DGLUCY: variants seen among roughly 807,000 people sequenced by gnomAD.
The protein encoded by DGLUCY is D-glutamate cyclase, mitochondrial.
DGLUCY carries 58 observed loss-of-function variants against 58.5 expected under a neutral mutation model. The ratio of observed to expected loss-of-function variants is 0.99; its 90% CI spans 0.80 to 1.23. The LOEUF is 1.23. Ranked by LOEUF, DGLUCY falls within the 50% of genes most tolerant of loss-of-function variation. DGLUCY has a pLI of 0.00. For synonymous variants in DGLUCY, 325 were observed against 314.1 expected (o/e 1.03, Z -0.37); for missense variants, 779 against 784.7 (o/e 0.99, Z 0.09).
At chr14:91,068,079 GCACACACACACACACA>G (rs57428509) in intron 1 of DGLUCY, among the ~76,000 whole-genome samples, 46 of 146,436 alleles carry the variant, frequency 3.1e-4, no homozygotes, top group Middle Eastern at 3.5e-3. Flanking sequence ...ACACGCGCAC[GCACACACACACACACA>G]CACACACACA....
intron 8 of DGLUCY, among the ~76,000 whole-genome samples, chr14:91,187,756 C>A (rs1327256002): frequency 6.6e-6 from 1 of 152,208 alleles, no homozygotes; most frequent in Non-Finnish European, 1.5e-5. Flanking sequence ...AGTCTCCTGT[C>A]CTCCGAGGAC....
At chr14:91,173,543 C>T in intron 6 of DGLUCY, 104 bp downstream of exon 6, 1 of 1,398,022 alleles carries the variant, frequency 7.2e-7, no homozygotes, top group Non-Finnish European at 9.4e-7. Context: ...ATCGGCGACC[C>T]AGGTCAGTGT....
At chr14:91,208,507 G>A (rs1176660212) in intron 12 of DGLUCY, among the ~76,000 whole-genome samples, 1 of 152,152 alleles carries the variant, frequency 6.6e-6, no homozygotes, top group East Asian at 1.9e-4. Flanking sequence ...GTAGCACTTT[G>A]GGAGGCCGAG....
chr14:91,071,846 A>G (rs1595607122), intron 1 of DGLUCY, among the ~76,000 whole-genome samples: 3 of 151,678 alleles, frequency 2.0e-5, no homozygotes, highest in East Asian at 1.9e-4. Flanking sequence ...CCAGCCTGGT[A>G]ACAGAGTGAG....
chr14:91,163,566 G>A (rs947571495), intron 3 of DGLUCY, among the ~76,000 whole-genome samples: 1 of 152,194 alleles, frequency 6.6e-6, no homozygotes, highest in Admixed American at 6.5e-5. Context: ...GACATTCCCA[G>A]CGGATGGTTG....
upstream of DGLUCY, among the ~76,000 whole-genome samples, chr14:91,106,150 A>G (rs1400482316): frequency 1.3e-5 from 2 of 151,860 alleles, 1 homozygote; most frequent in Non-Finnish European, 2.9e-5. Context: ...TCTACTAAAA[A>G]TATAAAAATT....
chr14:91,084,518 T>A (rs1379609644), intron 1 of DGLUCY, among the ~76,000 whole-genome samples: 1 of 152,012 alleles, frequency 6.6e-6, no homozygotes, highest in African/African-American at 2.4e-5. Flanking sequence ...CTGTCTCTCA[T>A]GCATCTCTTC....
chr14:91,105,818 T>C (rs2044578193), upstream of DGLUCY, among the ~76,000 whole-genome samples: 1 of 152,214 alleles, frequency 6.6e-6, no homozygotes, highest in Non-Finnish European at 1.5e-5. Flanking sequence ...TCATAGACTG[T>C]GCTTACACAA....
chr14:91,122,753 C>T (rs1004857600), intron 1 of DGLUCY, among the ~76,000 whole-genome samples: 3 of 151,792 alleles, frequency 2.0e-5, no homozygotes, highest in South Asian at 2.1e-4. Flanking sequence ...GGACTGTAGG[C>T]GCCTGCCACC....
At chr14:91,094,564 G>C (rs1005440293) in intron 1 of DGLUCY, among the ~76,000 whole-genome samples, 1 of 151,690 alleles carries the variant, frequency 6.6e-6, no homozygotes, top group South Asian at 2.1e-4. Flanking sequence ...GCCTGGGTCA[G>C]GCGCAATGGC....
At position 91,075,951 on chromosome 14, in the gene DGLUCY, A is replaced by G. The variant is rs534739858; in HGVS notation, c.-82+15247A>G. The stretch of plus-strand genomic sequence containing the variant: ...AACATGGTGAAACCCCATCTCTACT[A>G]CAAATACAAAAATTAGCTGGGCGTG... On this transcript the variant is annotated intron_variant, in intron 1 of 4. Coordinates refer to the DGLUCY transcript ENST00000521334. 2.0e-4 allele frequency among the ~76,000 whole-genome samples: 30 copies of G among 152,206 alleles called. No individual in the cohort carries two copies. In the South Asian group the frequency reaches 5.6e-3, roughly 28 times the overall value.
rs144389386 is a variant in DGLUCY at position 91,205,447 on chromosome 14, G to C, written c.1564+622G>C. Reference sequence around the variant, plus strand: ...CCTCACCACACATTTCAAGAAAATTGGGAGATCCCTGAAAAAGGCTCTCTC... The same window carrying C: ...CCTCACCACACATTTCAAGAAAATTCGGAGATCCCTGAAAAAGGCTCTCTC... On this transcript the variant is annotated intron_variant, in intron 12 of 13. Transcript: ENST00000256324. Among the ~76,000 whole-genome samples, 18 of 152,160 alleles carry C rather than the reference G, an allele frequency of 1.2e-4. No individual in the cohort carries two copies. The East Asian group carries it at 3.5e-3, about 29-fold the overall frequency.
At chr14:91,186,338 C>A (rs1302309405) in intron 8 of DGLUCY, among the ~76,000 whole-genome samples, 1 of 152,114 alleles carries the variant, frequency 6.6e-6, no homozygotes, top group Non-Finnish European at 1.5e-5. Context: ...CCTCCGCCTC[C>A]CAAGTTCAAG....
chr14:91,129,119 A>G (rs1002035493), intron 1 of DGLUCY, among the ~76,000 whole-genome samples: 1 of 151,420 alleles, frequency 6.6e-6, no homozygotes, highest in East Asian at 2.0e-4. Context: ...CTGCATCCTT[A>G]GCCATCATCT....
intron 1 of DGLUCY, among the ~76,000 whole-genome samples, chr14:91,153,979 C>CACT (rs2047470764): frequency 6.6e-6 from 1 of 152,132 alleles, no homozygotes; most frequent in Non-Finnish European, 1.5e-5. Context: ...GATCTCGACT[C>CACT]ACTGCAGCCT....
intron 1 of DGLUCY, among the ~76,000 whole-genome samples, chr14:91,153,759 G>A (rs1002438131): frequency 4.6e-5 from 7 of 152,168 alleles, no homozygotes; most frequent in African/African-American, 1.7e-4. Flanking sequence ...TCTTTCCTAT[G>A]TGAACCCAAA....
At chr14:91,092,667 A>C (rs1352104519) in intron 1 of DGLUCY, among the ~76,000 whole-genome samples, 1 of 152,198 alleles carries the variant, frequency 6.6e-6, no homozygotes, top group East Asian at 1.9e-4. Context: ...GTAACGGTAT[A>C]ATAGAGATCT....
chr14:91,194,195 G>A (rs1829619440), intron 9 of DGLUCY, among the ~76,000 whole-genome samples: 1 of 152,226 alleles, frequency 6.6e-6, no homozygotes, highest in African/African-American at 2.4e-5. Context: ...TGTCGCGGTA[G>A]TCCTGGGAGG....
chr14:91,101,668 T>G (rs1013293006), intron 1 of DGLUCY, among the ~76,000 whole-genome samples: 3 of 152,210 alleles, frequency 2.0e-5, no homozygotes, highest in African/African-American at 7.2e-5. Context: ...CATCAGATAT[T>G]TGATAGATCA....
Sources: gnomAD v4.1 joint callset for allele counts (sites outside exome capture counted in the v4.1 genomes callset) on GRCh38, gnomAD v4.1.1 for gene constraint, MANE v1.5 for transcripts, NCBI Gene and HGNC (gene_info 2026-07-23, HGNC 2026-07-21) for gene names.